Variants in ALG5 observed in about 807,000 individuals in gnomAD.
ALG5 encodes dolichyl-phosphate beta-glucosyltransferase.
In ALG5, 26 loss-of-function variants were observed where a neutral mutation model predicts 51.8. The ratio of observed to expected loss-of-function variants is 0.50; its 90% CI spans 0.37 to 0.70. The LOEUF (loss-of-function observed/expected upper bound fraction) is 0.70, where lower values mean the gene tolerates loss of function less well. Among genes scored for constraint, ALG5 ranks in the 30% least tolerant of loss-of-function variants. ALG5 has a pLI of 0.00. For missense variants in ALG5, 311 were observed against 399.3 expected (o/e 0.78, Z 1.88); for synonymous variants, 141 against 136.1 (o/e 1.04, Z -0.25).
At chr13:36,950,978 CTTTATA>C (rs1482459715) in intron 9 of ALG5, among the ~76,000 whole-genome samples, 1 of 152,108 alleles carries the variant, frequency 6.6e-6, no homozygotes, top group Non-Finnish European at 1.5e-5. Flanking sequence ...TTTAATTATA[CTTTATA>C]TTTAAAGAAG....
intron 9 of ALG5, among the ~76,000 whole-genome samples, chr13:36,952,013 C>T (rs1347638305): frequency 6.6e-6 from 1 of 152,170 alleles, no homozygotes; most frequent in Admixed American, 6.5e-5. Flanking sequence ...TCTTGAACTC[C>T]TGACCTTAGG....
chr13:36,989,806 G>C (rs567988361), intron 4 of ALG5, among the ~76,000 whole-genome samples: 76 of 152,050 alleles, frequency 5.0e-4, no homozygotes, highest in Non-Finnish European at 9.4e-4. Flanking sequence ...CCACCACAGT[G>C]GGCAATGACC....
chr13:36,999,342 C>A, upstream of ALG5: 1 of 1,518,412 alleles, frequency 6.6e-7, no homozygotes, highest in Non-Finnish European at 8.8e-7. Flanking sequence ...CACCTCCACA[C>A]AGGCGGAAGC....
chr13:36,975,655 T>C (rs1018385380), intron 6 of ALG5, among the ~76,000 whole-genome samples: 1 of 152,242 alleles, frequency 6.6e-6, no homozygotes, highest in Non-Finnish European at 1.5e-5. Flanking sequence ...CTCTTATCTG[T>C]ATTTTAGATT....
chr13:36,980,303 C>T (rs1232513533), intron 6 of ALG5, among the ~76,000 whole-genome samples: 1 of 152,034 alleles, frequency 6.6e-6, no homozygotes, highest in South Asian at 2.1e-4. Context: ...GGCGCAGTCC[C>T]GACTCACTGC....
At chr13:36,990,952 T>C (rs1247475849) in intron 4 of ALG5, among the ~76,000 whole-genome samples, 2 of 152,226 alleles carry the variant, frequency 1.3e-5, no homozygotes. Context: ...CCTAAAGTTA[T>C]ACGAGTAGCC....
chr13:36,960,836 G>A (rs939460684), intron 8 of ALG5, among the ~76,000 whole-genome samples: 2 of 151,714 alleles, frequency 1.3e-5, no homozygotes, highest in African/African-American at 4.8e-5. Context: ...GTAGTGATAG[G>A]GTTCTGCCAT....
At chr13:36,967,329 A>G (rs1409311291) in intron 7 of ALG5, among the ~76,000 whole-genome samples, 1 of 152,196 alleles carries the variant, frequency 6.6e-6, no homozygotes, top group Non-Finnish European at 1.5e-5. Flanking sequence ...ACCTTCAACA[A>G]GTTACTTCAG....
chr13:36,963,704 AATG>A (rs753074267), intron 8 of ALG5, among the ~76,000 whole-genome samples: 1 of 152,268 alleles, frequency 6.6e-6, no homozygotes, highest in South Asian at 2.1e-4. Context: ...AAAAAGTCTG[AATG>A]ATAATTCTGA....
At chr13:36,988,892 C>A (rs1414976577) in intron 5 of ALG5, among the ~76,000 whole-genome samples, 1 of 152,132 alleles carries the variant, frequency 6.6e-6, no homozygotes. Context: ...AATAAATGGA[C>A]CTCAAAGTCA....
intron 3 of ALG5, among the ~76,000 whole-genome samples, chr13:36,994,126 A>G (rs926365448): frequency 6.6e-6 from 1 of 152,026 alleles, no homozygotes. Flanking sequence ...AGAAAAACCT[A>G]CTCTATGTGG....
At chr13:36,981,813 C>T (rs1249672604) in intron 6 of ALG5, among the ~76,000 whole-genome samples, 2 of 152,130 alleles carry the variant, frequency 1.3e-5, no homozygotes, top group Admixed American at 6.6e-5. Context: ...CTGGGCCAGG[C>T]GCAGTGGTTC....
intron 6 of ALG5, among the ~76,000 whole-genome samples, chr13:36,976,759 A>AC (rs1321816330): frequency 6.6e-6 from 1 of 151,284 alleles, no homozygotes. Context: ...GGAAAAAAAA[A>AC]AATTGTGTTA....
intron 5 of ALG5, among the ~76,000 whole-genome samples, chr13:36,988,283 G>A (rs1290461255): frequency 6.6e-6 from 1 of 152,162 alleles, no homozygotes; most frequent in Non-Finnish European, 1.5e-5. Context: ...TCATCTCAGT[G>A]TCTCTAATGA....
At chr13:36,961,528 C>T (rs577306660) in intron 8 of ALG5, among the ~76,000 whole-genome samples, 8 of 152,216 alleles carry the variant, frequency 5.3e-5, no homozygotes, top group Admixed American at 5.2e-4. Flanking sequence ...GCAAAGAGTA[C>T]ACCATTTTAT....
chr13:36,988,304 T>C (rs954210072), intron 5 of ALG5, among the ~76,000 whole-genome samples: 5 of 152,240 alleles, frequency 3.3e-5, no homozygotes, highest in Admixed American at 2.6e-4. Context: ...AAATACAACA[T>C]TGGCTGAATA....
At chr13:36,978,037 G>C (rs958137448) in intron 6 of ALG5, among the ~76,000 whole-genome samples, 5 of 150,394 alleles carry the variant, frequency 3.3e-5, no homozygotes, top group African/African-American at 1.2e-4. Flanking sequence ...CAGGCACGTG[G>C]CACCATGCCC....
intron 8 of ALG5, among the ~76,000 whole-genome samples, chr13:36,956,491 G>T (rs973203738): frequency 3.9e-5 from 6 of 152,200 alleles, no homozygotes; most frequent in Non-Finnish European, 8.8e-5. Flanking sequence ...TTATCCAAAA[G>T]ATTTGAAATC....
chr13:36,971,230 G>C (rs975853070), intron 7 of ALG5, among the ~76,000 whole-genome samples: 2 of 152,042 alleles, frequency 1.3e-5, no homozygotes, highest in Non-Finnish European at 1.5e-5. Context: ...TTAAGGTATA[G>C]TGATAGTGTT....
Sources: gnomAD v4.1 joint callset for allele counts (sites outside exome capture counted in the v4.1 genomes callset) on GRCh38, gnomAD v4.1.1 for gene constraint, MANE v1.5 for transcripts, NCBI Gene and HGNC (gene_info 2026-07-23, HGNC 2026-07-21) for gene names.